The following GRM4 variants were observed in gnomAD, a reference collection of about 807,000 sequenced individuals.
GRM4 encodes glutamate metabotropic receptor 4, also known as metabotropic glutamate receptor 4.
In GRM4, 28 loss-of-function variants were observed where a neutral mutation model predicts 81.7. The observed-to-expected ratio is 0.34, with a 90% CI of 0.25 to 0.47. The LOEUF (loss-of-function observed/expected upper bound fraction) is 0.47. Ranked by LOEUF, GRM4 falls within the 20% of genes least tolerant of loss-of-function variation. The probability of loss-of-function intolerance (pLI) is 1.00; values close to 1 mark genes in which losing one functional copy is unlikely to be tolerated. For synonymous variants in GRM4, 488 were observed against 528.8 expected (o/e 0.92, Z 1.06); for missense variants, 948 against 1,290.0 (o/e 0.73, Z 4.06).
rs34369343 is a variant in GRM4 at position 34,037,861 on chromosome 6, CAAAAAAAA to C, written c.1507-1266_1507-1259del. Among the ~76,000 whole-genome samples, 33 of 116,168 alleles carry C rather than the reference CAAAAAAAA, an allele frequency of 2.8e-4. No individual in the cohort carries two copies. The East Asian group carries it at 7.2e-3, about 26-fold the overall frequency. 76.2% of individuals were successfully genotyped at this position (116,168 alleles called of 152,430 possible). A position where few individuals can be genotyped will look rare whatever the true frequency, so the allele number is the denominator to read the frequency against. On this transcript the variant is annotated intron_variant, in intron 8 of 10. Transcript: ENST00000538487. ...CTGACGACAGAGCAAGATTCCGTCT[CAAAAAAAA>C]AAAAAAAAAAAGAATAAAGGAAAGG...
intron 2 of GRM4, chr6:34,105,962 A>T (rs926404776): frequency 1.8e-4 from 28 of 152,400 alleles, no homozygotes; most frequent in African/African-American, 5.5e-4. Flanking sequence ...CAGCTCCAGC[A>T]TCTCTGTCTG....
intron 2 of GRM4, chr6:34,103,718 G>C: frequency 6.6e-7 from 1 of 1,520,524 alleles, no homozygotes. Flanking sequence ...TTTCCAAGGA[G>C]GGCTCAAAGT....
At chr6:34,072,248 G>C (rs926831778) in intron 3 of GRM4, among the ~76,000 whole-genome samples, 5 of 28,394 alleles carry the variant, frequency 1.8e-4, no homozygotes, top group African/African-American at 1.2e-4. Context: ...ACATCACACA[G>C]ATACACAGCA....
intron 1 of GRM4, among the ~76,000 whole-genome samples, chr6:34,154,590 TACACACACACAC>T (rs57603011): frequency 2.5e-3 from 361 of 144,924 alleles, no homozygotes; most frequent in African/African-American, 7.9e-3. Flanking sequence ...TGGTCCTGAC[TACACACACACAC>T]ACACACACAC....
In GRM4 at chr6:34,078,389, C is replaced by T. The variant is rs1377520960; in HGVS notation, c.736+13494G>A. ...TGTTGTCTCCTGAGCTCCTTCCAGT[C>T]CACCCAGGTCCTAGGTATGATGACC... On this transcript the variant is annotated intron_variant, in intron 3 of 10. Transcript: ENST00000538487. This position sits in a 1 kb window ranked among gnomAD's most constrained non-coding sequence, Gnocchi z 4.8. Among the ~76,000 whole-genome samples the T allele has an allele frequency of 1.3e-5, 2 of 152,136 alleles. No individual in the cohort carries two copies. Among genetic ancestry groups the T allele is most frequent in the African/African-American group, 4.8e-5 (2 of 41,412 alleles).
At chr6:34,095,585 C>T (rs1408125454) in intron 2 of GRM4, among the ~76,000 whole-genome samples, 6 of 152,190 alleles carry the variant, frequency 3.9e-5, no homozygotes, top group African/African-American at 1.2e-4. Context: ...GCCTGGCAGG[C>T]GGTAAGCACT....
In GRM4 at chr6:34,059,037, G is replaced by A; in HGVS notation, c.964C>T (p.Leu322=). The A allele has an allele frequency of 6.2e-7, 1 of 1,613,682 alleles. No individual in the cohort carries two copies. Among genetic ancestry groups the A allele is most frequent in the Non-Finnish European group, 8.5e-7 (1 of 1,179,782 alleles). ...CCCTCAGCCACCTCCTCCAGGTGCA[G>A]CACAGGTGCAATCTTGGAGCCCCAG... ...DSWGSKIAPV[L]HLEEVAEGAV... is the part of the protein sequence containing the mutation. The change falls in exon 5 of 11, where the codon CTG becomes TTG. Residue 322 remains leucine (L), a synonymous_variant. Coordinates refer to ENST00000538487, the MANE Select transcript of GRM4 (RefSeq NM_000841.4). This position sits in a 1 kb window ranked among gnomAD's most constrained non-coding sequence, Gnocchi z 5.7.
At chr6:34,072,649 A>G in intron 3 of GRM4, among the ~76,000 whole-genome samples, 1 of 149,536 alleles carries the variant, frequency 6.7e-6, no homozygotes, top group South Asian at 2.1e-4. Context: ...ACACACACAC[A>G]CATCACCACA....
intron 6 of GRM4, among the ~76,000 whole-genome samples, chr6:34,053,082 T>C (rs1765691084): frequency 6.6e-6 from 1 of 151,048 alleles, no homozygotes; most frequent in Non-Finnish European, 1.5e-5. Context: ...GCACCTATCA[T>C]ACACATCATT....
upstream of GRM4, among the ~76,000 whole-genome samples, chr6:34,149,206 T>A (rs1770999037): frequency 6.6e-6 from 1 of 151,492 alleles, no homozygotes; most frequent in African/African-American, 2.4e-5. Flanking sequence ...CCTTTAGGAT[T>A]TGTTGAAATA....
rs1056563877 is a variant in GRM4, at chr6:34,047,090, C to T, written c.1169-6342G>A. The stretch of plus-strand genomic sequence containing the variant: ...GCCTCAGTCTCCCAAGTGTGAATTC[C>T]GGATAGTAAGACTTACTTCGAGGGG... On this transcript the variant is annotated intron_variant, in intron 6 of 10. Coordinates refer to ENST00000538487, the MANE Select transcript of GRM4 (RefSeq NM_000841.4). This position sits in a 1 kb window ranked among gnomAD's most constrained non-coding sequence, Gnocchi z 4.5. Among the ~76,000 whole-genome samples, 5 of 152,198 alleles carry T rather than the reference C, an allele frequency of 3.3e-5. No homozygotes were observed. The highest frequency in any genetic ancestry group is 2.1e-4 in the South Asian group (1 of 4,814).
At chr6:34,153,763 CT>C (rs1190007142) in intron 1 of GRM4, among the ~76,000 whole-genome samples, 2 of 152,096 alleles carry the variant, frequency 1.3e-5, no homozygotes, top group Non-Finnish European at 2.9e-5. Context: ...CCCGTTTCTA[CT>C]AAAAATACAA....
At chr6:34,081,002 C>G (rs893512516) in intron 3 of GRM4, among the ~76,000 whole-genome samples, 3 of 152,198 alleles carry the variant, frequency 2.0e-5, no homozygotes, top group Non-Finnish European at 4.4e-5. Context: ...CCTAGAACTG[C>G]TGGCCTCTGT....
chr6:34,023,945 G>A (rs1253032874), intron 10 of GRM4, among the ~76,000 whole-genome samples: 1 of 152,248 alleles, frequency 6.6e-6, no homozygotes, highest in Non-Finnish European at 1.5e-5. Flanking sequence ...GCCTGGGGCA[G>A]GGGCTGATCT....
At position 34,036,391 on chromosome 6, in the gene GRM4, G is replaced by A; in HGVS notation, c.1719C>T (p.Cys573=). 6.2e-7 allele frequency: 1 copy of A among 1,612,042 alleles called. No homozygotes were observed. Among genetic ancestry groups the A allele is most frequent in the South Asian group, 1.1e-5 (1 of 91,036 alleles). ...DMRPTENRTG[C]RPIPIIKLEW... is the part of the protein sequence containing the mutation. ...CAAGCTTGATGATGGGGATGGGCCG[G>A]CAGCCCGTGCGGTTCTCTGTGGGCC... Residue 573 remains cysteine (C), a synonymous_variant, in exon 9 of 11, where the codon TGC becomes TGT. Transcript: ENST00000538487. This position sits in a 1 kb window ranked among gnomAD's most constrained non-coding sequence, Gnocchi z 9.0.
At position 34,080,824 on chromosome 6, in the gene GRM4, TCTCTCTCA is replaced by T. The variant is rs1288416234; in HGVS notation, c.736+11051_736+11058del. Among the ~76,000 whole-genome samples, 1 of 148,396 alleles carries T rather than the reference TCTCTCTCA, an allele frequency of 6.7e-6. No homozygotes were observed. The highest frequency in any genetic ancestry group is 1.5e-5 in the Non-Finnish European group (1 of 67,594). ...CTGATCCACTTCTCTCTTCTCTCTC[TCTCTCTCA>T]CACACACACACACATACACACACAC... On this transcript the variant is annotated intron_variant, in intron 3 of 10. Transcript: ENST00000538487. This position sits in a 1 kb window ranked among gnomAD's most constrained non-coding sequence, Gnocchi z 5.4.
intron 2 of GRM4, among the ~76,000 whole-genome samples, chr6:34,104,283 T>A (rs1191997842): frequency 6.6e-6 from 1 of 152,114 alleles, no homozygotes; most frequent in Non-Finnish European, 1.5e-5. Context: ...GCTGGGGACA[T>A]GGAGCAGGCT....
At chr6:34,129,779 G>A (rs542853887) in intron 2 of GRM4, among the ~76,000 whole-genome samples, 1 of 152,314 alleles carries the variant, frequency 6.6e-6, no homozygotes, top group South Asian at 2.1e-4. Flanking sequence ...TAGAGCAAGA[G>A]GTTGGCCCCT....
chr6:34,046,511 A>G (rs549467066), intron 6 of GRM4, among the ~76,000 whole-genome samples: 1 of 152,250 alleles, frequency 6.6e-6, no homozygotes, highest in Admixed American at 6.5e-5. Flanking sequence ...GAGGAAAGTC[A>G]ACTAATGCCA....
Sources: allele counts gnomAD v4.1 joint callset (sites outside exome capture counted in the v4.1 genomes callset), GRCh38; gene constraint gnomAD v4.1.1; non-coding constraint Gnocchi (gnomAD v3.1); transcripts MANE v1.5; gene names NCBI Gene and HGNC (gene_info 2026-07-23, HGNC 2026-07-21).